PTPRE: variants seen among roughly 807,000 people sequenced by gnomAD.
PTPRE encodes the protein protein tyrosine phosphatase receptor type E.
Under a neutral mutation model 102.0 loss-of-function variants are expected in PTPRE, and 51 were observed. That is an observed-to-expected ratio of 0.50 (90% CI 0.40 to 0.63). The LOEUF is 0.63. Ranked by LOEUF, PTPRE falls within the 30% of genes least tolerant of loss-of-function variation. The pLI, the probability that PTPRE is intolerant of heterozygous loss-of-function variation, is 0.00. For missense variants in PTPRE, 752 were observed against 915.1 expected, an observed-to-expected ratio of 0.82 and a Z score of 2.30; for synonymous variants, 345 against 348.2, an observed-to-expected ratio of 0.99 and a Z score of 0.10.
At position 127,965,541 on chromosome 10, in the gene PTPRE, C is replaced by T. The variant is rs527311652; in HGVS notation, c.-30-16733C>T. Among the ~76,000 whole-genome samples, 286 of 152,252 alleles carry T rather than the reference C, an allele frequency of 1.9e-3. 4 individuals carry two copies. Among genetic ancestry groups the T allele is most frequent in the African/African-American group, 6.4e-3 (266 of 41,556 alleles). On this transcript the variant is annotated intron_variant, in intron 1 of 20. Transcript: ENST00000254667. ...AAGTTTCCTTAACTTAGGAAGAAGT[C>T]GTGATTTACCTTTGTATTCCTTTTG...
At chr10:128,075,501 C>A (rs1379836893) in intron 17 of PTPRE, among the ~76,000 whole-genome samples, 1 of 150,962 alleles carries the variant, frequency 6.6e-6, no homozygotes, top group Non-Finnish European at 1.5e-5. Context: ...TCCTTGTGTT[C>A]TCCCTACCTG....
At chr10:128,018,977 A>C (rs1845648785) in intron 2 of PTPRE, among the ~76,000 whole-genome samples, 1 of 152,248 alleles carries the variant, frequency 6.6e-6, no homozygotes, top group Admixed American at 6.5e-5. Flanking sequence ...TGCACCAGGG[A>C]AACACCACAT....
intron 1 of PTPRE, among the ~76,000 whole-genome samples, chr10:127,978,854 T>A (rs1260869078): frequency 1.3e-5 from 2 of 151,958 alleles, no homozygotes; most frequent in Non-Finnish European, 2.9e-5. Flanking sequence ...AACTCCATCT[T>A]TACTAAATAT....
intron 6 of PTPRE, among the ~76,000 whole-genome samples, chr10:128,051,020 G>A (rs1213709642): frequency 6.6e-6 from 1 of 152,134 alleles, no homozygotes; most frequent in East Asian, 1.9e-4. Flanking sequence ...GAGAAATTAG[G>A]TCATATTGAA....
chr10:127,999,395 TA>T, intron 2 of PTPRE: 2 of 284,432 alleles, frequency 7.0e-6, no homozygotes, highest in Non-Finnish European at 1.1e-5. Context: ...ATTTTAGAAC[TA>T]AATGTGAACC....
At chr10:128,050,902 G>A (rs1318682327) in intron 6 of PTPRE, among the ~76,000 whole-genome samples, 1 of 152,212 alleles carries the variant, frequency 6.6e-6, no homozygotes, top group African/African-American at 2.4e-5. Context: ...TGAAGGCATG[G>A]GAAGGTGGTG....
chr10:127,990,821 A>G (rs1224465382), intron 2 of PTPRE, among the ~76,000 whole-genome samples: 1 of 152,218 alleles, frequency 6.6e-6, no homozygotes, highest in Admixed American at 6.5e-5. Flanking sequence ...ACATTTTTTT[A>G]AAAAGCATTT....
intron 1 of PTPRE, among the ~76,000 whole-genome samples, chr10:127,973,559 T>G (rs1266573383): frequency 1.3e-5 from 2 of 152,190 alleles, no homozygotes; most frequent in Non-Finnish European, 2.9e-5. Context: ...GCTAGTCGAT[T>G]GGCAGATTTT....
chr10:128,036,018 C>T (rs1245438490), intron 2 of PTPRE, among the ~76,000 whole-genome samples: 1 of 152,148 alleles, frequency 6.6e-6, no homozygotes, highest in African/African-American at 2.4e-5. Flanking sequence ...ACCTCAAAAT[C>T]TGGTGGGGTC....
In PTPRE at chr10:128,083,718, C is replaced by G. The variant is rs1006136297; in HGVS notation, c.*812C>G. 6.6e-6 allele frequency: 1 copy of G among 152,368 alleles called. No homozygotes were observed. The highest frequency in any genetic ancestry group is 2.4e-5 in the African/African-American group (1 of 41,466). 9.4% of individuals were successfully genotyped at this position (152,368 alleles called of 1,614,324 possible). On this transcript the variant is annotated 3_prime_UTR_variant, in exon 21 of 21. Transcript: ENST00000254667. ...CCTCAGAAAAAAACCAGCTGCCTCT[C>G]CCATTCTCCCCTCCCGTTCTGCCAC...
In PTPRE at chr10:127,907,174, C is replaced by A. The variant is rs971870725; in HGVS notation, c.-166C>A. 6.4e-6 allele frequency: 5 copies of A among 786,754 alleles called. No homozygotes were observed. The highest frequency in any genetic ancestry group is 7.7e-6 in the Non-Finnish European group (5 of 649,424). 48.7% of individuals were successfully genotyped at this position (786,754 alleles called of 1,614,324 possible). A position where few individuals can be genotyped will look rare whatever the true frequency, so the allele number is the denominator to read the frequency against. On this transcript the variant is annotated 5_prime_UTR_variant, in exon 1 of 21. Transcript: ENST00000254667. This position sits in a 1 kb window ranked among gnomAD's most constrained non-coding sequence, Gnocchi z 4.8. ...CGCGAGCGGCTTCAGGAACCCACGGCCTCTGCGCGTCCCCGCGACCCTTCT... is the reference window on the plus strand; with the variant it reads ...CGCGAGCGGCTTCAGGAACCCACGGACTCTGCGCGTCCCCGCGACCCTTCT...
At chr10:127,968,545 G>A (rs1375709771) in intron 1 of PTPRE, among the ~76,000 whole-genome samples, 2 of 152,204 alleles carry the variant, frequency 1.3e-5, no homozygotes, top group African/African-American at 2.4e-5. Flanking sequence ...TCTGCAGATC[G>A]TTCTTTCTGG....
At chr10:128,030,652 C>CT in intron 2 of PTPRE, among the ~76,000 whole-genome samples, 1 of 152,080 alleles carries the variant, frequency 6.6e-6, no homozygotes, top group East Asian at 1.9e-4. Flanking sequence ...GAGAGTTGGC[C>CT]TCTGCTTTGA....
intron 2 of PTPRE, among the ~76,000 whole-genome samples, chr10:128,038,122 T>G (rs561602520): frequency 4.6e-5 from 7 of 152,254 alleles, no homozygotes; most frequent in African/African-American, 1.7e-4. Context: ...TAATCACTGT[T>G]TCAAGCATCA....
rs770517673 is a variant in PTPRE, at chr10:128,073,456, G to A, written c.1584G>A (p.Val528=). ...KSHTIVMLTE[V]QEREQDKCYQ... ...ACACTATCGTGATGCTGACGGAGGT[G>A]CAGGAGAGAGAGCAGGTGAGGAGTG... The change falls in exon 17 of 21, where the codon GTG becomes GTA. Residue 528 remains valine (V), a synonymous_variant. Coordinates refer to ENST00000254667, the MANE Select transcript of PTPRE (RefSeq NM_006504.6). 1 of 1,613,878 alleles carries A rather than the reference G, an allele frequency of 6.2e-7. No individual in the cohort carries two copies. Among genetic ancestry groups the A allele is most frequent in the African/African-American group, 1.3e-5 (1 of 74,906 alleles).
At chr10:128,053,854 A>G (rs1206789007) in intron 6 of PTPRE, among the ~76,000 whole-genome samples, 2 of 152,070 alleles carry the variant, frequency 1.3e-5, no homozygotes, top group African/African-American at 4.8e-5. Flanking sequence ...TCCGCCTCCC[A>G]GGTTCAAGCG....
At chr10:128,052,206 G>T (rs1240885064) in intron 6 of PTPRE, among the ~76,000 whole-genome samples, 1 of 152,176 alleles carries the variant, frequency 6.6e-6, no homozygotes, top group Non-Finnish European at 1.5e-5. Flanking sequence ...AGAGGGACAT[G>T]CTCCCAACCC....
chr10:127,988,440 G>T (rs1013731734), intron 2 of PTPRE, among the ~76,000 whole-genome samples: 3 of 151,938 alleles, frequency 2.0e-5, no homozygotes, highest in Non-Finnish European at 4.4e-5. Context: ...TGAGTAGCTG[G>T]GATTACAGGC....
intron 3 of PTPRE, among the ~76,000 whole-genome samples, chr10:128,046,468 TG>T (rs1284097155): frequency 6.6e-6 from 1 of 152,212 alleles, no homozygotes; most frequent in African/African-American, 2.4e-5. Context: ...GCAGTCATGC[TG>T]AGGCCTGTTC....
Sources: allele counts gnomAD v4.1 joint callset (sites outside exome capture counted in the v4.1 genomes callset), GRCh38; gene constraint gnomAD v4.1.1; non-coding constraint Gnocchi (gnomAD v3.1); transcripts MANE v1.5; gene names NCBI Gene and HGNC (gene_info 2026-07-23, HGNC 2026-07-21).